NRG1: variants seen among roughly 807,000 people sequenced by gnomAD.
NRG1 encodes pro-neuregulin-1, membrane-bound isoform.
A neutral mutation model predicts 63.8 loss-of-function variants in NRG1; 18 were observed. That is an observed-to-expected ratio of 0.28 (90% confidence interval 0.19 to 0.42). NRG1 has a LOEUF of 0.42. NRG1 is among the 10% of genes least tolerant of loss of function. The probability of loss-of-function intolerance (pLI) is 1.00; values close to 1 mark genes in which losing one functional copy is unlikely to be tolerated. For missense variants in NRG1, 762 were observed against 814.7 expected (o/e 0.94, Z 0.79); for synonymous variants, 302 against 301.3 (o/e 1.00, Z -0.02).
intron 1 of NRG1, among the ~76,000 whole-genome samples, chr8:31,919,973 A>C (rs1833766744): frequency 6.6e-6 from 1 of 152,194 alleles, no homozygotes; most frequent in Non-Finnish European, 1.5e-5. Flanking sequence ...GCATCAACCC[A>C]CAGATTTTTT....
chr8:32,025,377 G>A lies in NRG1; in HGVS notation c.37+385946G>A, dbSNP rs550911708. Among the ~76,000 whole-genome samples, 4 of 152,094 alleles carry A rather than the reference G, an allele frequency of 2.6e-5. No homozygotes were observed. In the South Asian group the frequency reaches 8.3e-4, roughly 32 times the overall value. Reference sequence around the variant, plus strand: ...TGATATATTTCTTTGTACATTTCTGGATCAAATAATGGCAAGATGGATGAA... The same window carrying A: ...TGATATATTTCTTTGTACATTTCTGAATCAAATAATGGCAAGATGGATGAA... On this transcript the variant is annotated intron_variant, in intron 1 of 10. Coordinates refer to the NRG1 transcript ENST00000519301.
chr8:31,680,517 C>G (rs1265700142), intron 1 of NRG1, among the ~76,000 whole-genome samples: 1 of 151,402 alleles, frequency 6.6e-6, no homozygotes, highest in Non-Finnish European at 1.5e-5. Context: ...ATATGTGCCA[C>G]ATTTTCTTAA....
intron 1 of NRG1, among the ~76,000 whole-genome samples, chr8:32,498,009 G>C (rs915184883): frequency 6.6e-6 from 1 of 152,104 alleles, no homozygotes; most frequent in Non-Finnish European, 1.5e-5. Flanking sequence ...TTTTAGTAGA[G>C]ACTGGGTTTC....
chr8:32,407,798 G>A (rs572515499), intron 1 of NRG1, among the ~76,000 whole-genome samples: 1 of 152,276 alleles, frequency 6.6e-6, no homozygotes, highest in South Asian at 2.1e-4. Flanking sequence ...AAGGGAATTA[G>A]AAGCACTATG....
intron 1 of NRG1, among the ~76,000 whole-genome samples, chr8:32,516,959 T>C (rs1829878244): frequency 6.8e-6 from 1 of 147,004 alleles, no homozygotes; most frequent in South Asian, 2.2e-4. Flanking sequence ...ATTGGAAAGA[T>C]ACTTAGGGAG....
chr8:31,698,404 A>G (rs1810307264), intron 1 of NRG1, among the ~76,000 whole-genome samples: 1 of 152,182 alleles, frequency 6.6e-6, no homozygotes, highest in African/African-American at 2.4e-5. Flanking sequence ...ATGTCCTTTC[A>G]CTTGGAAATA....
chr8:32,616,099 G>T (rs1481175441), intron 4 of NRG1, among the ~76,000 whole-genome samples: 1 of 151,842 alleles, frequency 6.6e-6, no homozygotes, highest in African/African-American at 2.4e-5. Flanking sequence ...ATCCTTCTTT[G>T]ATACTAAGAC....
intron 1 of NRG1, among the ~76,000 whole-genome samples, chr8:32,534,487 G>A (rs1831763913): frequency 6.6e-6 from 1 of 152,146 alleles, no homozygotes; most frequent in East Asian, 1.9e-4. Flanking sequence ...AGAGGCTTAA[G>A]TTTTATTAAT....
intron 5 of NRG1, among the ~76,000 whole-genome samples, chr8:32,641,526 C>T (rs1473950864): frequency 6.6e-6 from 1 of 152,144 alleles, no homozygotes; most frequent in African/African-American, 2.4e-5. Context: ...CAAAGTAAAG[C>T]AAACTCACTG....
intron 1 of NRG1, among the ~76,000 whole-genome samples, chr8:31,791,667 T>A (rs994741449): frequency 2.0e-5 from 3 of 152,200 alleles, no homozygotes; most frequent in Non-Finnish European, 2.9e-5. Context: ...TGAGCTGTTT[T>A]TCATTTCACC....
At chr8:31,938,569 G>C (rs1585911530) in intron 1 of NRG1, among the ~76,000 whole-genome samples, 1 of 152,046 alleles carries the variant, frequency 6.6e-6, no homozygotes, top group South Asian at 2.1e-4. Context: ...AATCTGAATT[G>C]CCAGAAAAAA....
intron 5 of NRG1, among the ~76,000 whole-genome samples, chr8:32,655,059 A>G (rs1358106439): frequency 1.3e-5 from 2 of 152,126 alleles, no homozygotes; most frequent in Non-Finnish European, 2.9e-5. Context: ...CTGTTAGGAG[A>G]TTAAATGAGG....
intron 1 of NRG1, among the ~76,000 whole-genome samples, chr8:32,210,801 G>T (rs78216664): frequency 0.037 from 5,663 of 152,192 alleles, 181 homozygotes; most frequent in Admixed American, 0.082. Flanking sequence ...ATACTTGTTG[G>T]GCTTAGCTTT....
In NRG1 at chr8:32,233,806, A is replaced by AC. The variant is rs201861179; in HGVS notation, c.38-362015dup. ...CCTCGATCTCTTGATCTCGTGATCC[A>AC]CCCCCCCATCAGCCTCCCAAAGTGC... On this transcript the variant is annotated intron_variant, in intron 1 of 10. Coordinates refer to the NRG1 transcript ENST00000519301. Among the ~76,000 whole-genome samples, 1,321 of 151,178 alleles carry AC rather than the reference A, an allele frequency of 8.7e-3. 19 individuals are homozygous for AC. The highest frequency in any genetic ancestry group is 0.03 in the African/African-American group (1,243 of 41,188).
In NRG1 at chr8:31,681,396, A is replaced by C. The variant is rs149973986; in HGVS notation, c.37+41965A>C. Among the ~76,000 whole-genome samples the C allele has an allele frequency of 0.01, 1,531 of 152,178 alleles. 46 individuals carry two copies. In the South Asian group the frequency reaches 0.12, roughly 12 times the overall value. On this transcript the variant is annotated intron_variant, in intron 1 of 10. Coordinates refer to the NRG1 transcript ENST00000519301. ...CAGTGTCTCACAAAAGAGAAAACAC[A>C]AATGGCTAAAACTAATATGAGAAGA...
intron 1 of NRG1, among the ~76,000 whole-genome samples, chr8:31,985,044 AG>A (rs1443612717): frequency 1.3e-5 from 2 of 152,144 alleles, no homozygotes; most frequent in East Asian, 3.9e-4. Flanking sequence ...CTCTATTAAA[AG>A]GTGATCTCAA....
chr8:31,808,282 C>T (rs1211588357), intron 1 of NRG1, among the ~76,000 whole-genome samples: 1 of 151,656 alleles, frequency 6.6e-6, no homozygotes, highest in Non-Finnish European at 1.5e-5. Context: ...AAATATTTTC[C>T]TAGCTTTTAT....
At chr8:31,858,335 A>G (rs561408038) in intron 1 of NRG1, among the ~76,000 whole-genome samples, 12 of 152,092 alleles carry the variant, frequency 7.9e-5, no homozygotes, top group South Asian at 2.1e-4. Context: ...CGAAGAACTC[A>G]ACGTTGACCA....
chr8:31,761,163 G>T (rs1390385304), intron 1 of NRG1, among the ~76,000 whole-genome samples: 3 of 152,262 alleles, frequency 2.0e-5, no homozygotes, highest in Non-Finnish European at 1.5e-5. Flanking sequence ...GGACATGGAT[G>T]AAATTGGAAA....
Sources: allele counts gnomAD v4.1 joint callset (sites outside exome capture counted in the v4.1 genomes callset), GRCh38; gene constraint gnomAD v4.1.1; transcripts MANE v1.5; gene names NCBI Gene and HGNC (gene_info 2026-07-23, HGNC 2026-07-21).